Variants in SPRR2A observed in about 807,000 individuals in gnomAD.
SPRR2A encodes the protein small proline rich protein 2A.
Under a neutral mutation model 1.2 loss-of-function variants are expected in SPRR2A, and 3 were observed. The ratio of observed to expected loss-of-function variants is 2.56; its 90% CI spans 1.17 to 6.62. SPRR2A has a LOEUF of 6.62. SPRR2A is among the 30% of genes most tolerant of loss of function. SPRR2A has a pLI of 0.02. For synonymous variants in SPRR2A, 31 were observed against 33.1 expected (o/e 0.94, Z 0.21); for missense variants, 66 against 87.8 (o/e 0.75, Z 0.99).
chr1:153,056,265 T>C lies in SPRR2A; in HGVS notation c.*252A>G. ...CCAGGGAGAGAGCTGCTGCTCTTTC[T>C]TCCGAAGCTCTGGGAGCTGGCACAG... is the stretch of plus-strand genomic sequence containing the variant. On this transcript the variant is annotated 3_prime_UTR_variant, in exon 2 of 2. Coordinates refer to ENST00000392653, the MANE Select transcript of SPRR2A (RefSeq NM_005988.3). 3.3e-6 allele frequency: 2 copies of C among 609,828 alleles called. No homozygotes were observed. The highest frequency in any genetic ancestry group is 5.5e-6 in the Non-Finnish European group (2 of 366,392). The allele number at this position is 609,828 out of a possible 1,614,324, so 37.8% of individuals were successfully genotyped here.
chr1:153,056,366 C>A lies in SPRR2A; in HGVS notation c.*151G>T. ...CCTCAGAAAAGAAACTTTTTGCTGTCAGGGATCATCATGGGCAGATTACTG... is the reference window on the plus strand; with the variant it reads ...CCTCAGAAAAGAAACTTTTTGCTGTAAGGGATCATCATGGGCAGATTACTG... On this transcript the variant is annotated 3_prime_UTR_variant, in exon 2 of 2. Coordinates refer to ENST00000392653, the MANE Select transcript of SPRR2A (RefSeq NM_005988.3). 2 of 1,383,790 alleles carry A rather than the reference C, an allele frequency of 1.4e-6. No individual in the cohort carries two copies. Among genetic ancestry groups the A allele is most frequent in the South Asian group, 2.9e-5 (2 of 68,484 alleles). 85.7% of individuals were successfully genotyped at this position (1,383,790 alleles called of 1,614,324 possible). A position where few individuals can be genotyped will look rare whatever the true frequency, so the allele number is the denominator to read the frequency against.
At position 153,056,378 on chromosome 1, in the gene SPRR2A, T is replaced by C; in HGVS notation, c.*139A>G. Reference sequence around the variant, plus strand: ...AACTTTTTGCTGTCAGGGATCATCATGGGCAGATTACTGGCTAAGGAGAAA... The same window carrying C: ...AACTTTTTGCTGTCAGGGATCATCACGGGCAGATTACTGGCTAAGGAGAAA... On this transcript the variant is annotated 3_prime_UTR_variant, in exon 2 of 2. Coordinates refer to ENST00000392653, the MANE Select transcript of SPRR2A (RefSeq NM_005988.3). 1.4e-6 allele frequency: 2 copies of C among 1,437,748 alleles called. No homozygotes were observed. The highest frequency in any genetic ancestry group is 1.9e-6 in the Non-Finnish European group (2 of 1,069,484). The allele number at this position is 1,437,748 out of a possible 1,614,324, so 89.1% of individuals were successfully genotyped here.
chr1:153,056,326 G>A lies in SPRR2A; in HGVS notation c.*191C>T, dbSNP rs1259523608. 15 of 1,041,902 alleles carry A rather than the reference G, an allele frequency of 1.4e-5. 1 individual carries two copies. The highest frequency in any genetic ancestry group is 3.4e-5 in the South Asian group (2 of 59,074). 64.5% of individuals were successfully genotyped at this position (1,041,902 alleles called of 1,614,324 possible). On this transcript the variant is annotated 3_prime_UTR_variant, in exon 2 of 2. Transcript: ENST00000392653. ...CCTTTGCTCAGTCTCCACCTGGACAGTGGCAGTATGGCAGCCTCAGAAAAG... is the reference window on the plus strand; with the variant it reads ...CCTTTGCTCAGTCTCCACCTGGACAATGGCAGTATGGCAGCCTCAGAAAAG...
chr1:153,056,480 C>A lies in SPRR2A; in HGVS notation c.*37G>T. Reference sequence around the variant, plus strand: ...CTGTGGAACGAGGTGAGCCAAATATCCTTATCCTTTCTTGGTCCTGATGAA... The same window carrying A: ...CTGTGGAACGAGGTGAGCCAAATATACTTATCCTTTCTTGGTCCTGATGAA... On this transcript the variant is annotated 3_prime_UTR_variant, in exon 2 of 2. Coordinates refer to ENST00000392653, the MANE Select transcript of SPRR2A (RefSeq NM_005988.3). The A allele has an allele frequency of 6.2e-7, 1 of 1,604,034 alleles. No homozygotes were observed. Among genetic ancestry groups the A allele is most frequent in the Non-Finnish European group, 8.5e-7 (1 of 1,175,694 alleles).
In SPRR2A at chr1:153,056,780, C is replaced by T. The variant is rs369045905; in HGVS notation, c.-19-26G>A. The T allele has an allele frequency of 2.3e-3, 3,728 of 1,596,890 alleles. 5 individuals are homozygous for T. The highest frequency in any genetic ancestry group is 2.8e-3 in the Non-Finnish European group (3,299 of 1,174,502). On this transcript the variant is annotated intron_variant, in intron 1 of 1. Transcript: ENST00000392653. ...CTGAAAGAAATGATACAACAGTGTT[C>T]GTGGGAAGGGAATCCTCCAGAGAGA...
At position 153,056,463 on chromosome 1, in the gene SPRR2A, C is replaced by A. The variant is rs117744022; in HGVS notation, c.*54G>T. Reference sequence around the variant, plus strand: ...AGAAGATGAAGGTGGAGCTGTGGAACGAGGTGAGCCAAATATCCTTATCCT... The same window carrying A: ...AGAAGATGAAGGTGGAGCTGTGGAAAGAGGTGAGCCAAATATCCTTATCCT... On this transcript the variant is annotated 3_prime_UTR_variant, in exon 2 of 2. Coordinates refer to ENST00000392653, the MANE Select transcript of SPRR2A (RefSeq NM_005988.3). 6.5e-5 allele frequency: 103 copies of A among 1,583,174 alleles called. No individual in the cohort carries two copies. The East Asian group carries it at 2.2e-3, about 34-fold the overall frequency.
intron 1 of SPRR2A, 138 bp from the exon 2 acceptor site, chr1:153,056,892 T>G (rs1457990264): frequency 3.2e-5 from 45 of 1,399,668 alleles, no homozygotes; most frequent in Non-Finnish European, 4.2e-5. Context: ...TTTCAAGACT[T>G]TCTGGTTTCT....
intron 1 of SPRR2A, among the ~76,000 whole-genome samples, chr1:153,057,153 T>C (rs1246108694): frequency 2.6e-5 from 4 of 152,190 alleles, no homozygotes; most frequent in East Asian, 3.8e-4. Context: ...TCAGGGAGAA[T>C]TGTAGTCTTT....
chr1:153,057,093 T>C (rs1024741194), intron 1 of SPRR2A, among the ~76,000 whole-genome samples: 1 of 152,166 alleles, frequency 6.6e-6, no homozygotes, highest in Non-Finnish European at 1.5e-5. Flanking sequence ...ATCATCATTA[T>C]CTGTTATAAA....
Position 153,056,529 on chromosome 1 carries a change from C to A in SPRR2A, c.207G>T (p.Pro69=). Residue 69 remains proline, a synonymous_variant, in exon 2 of 2, where the codon CCG becomes CCT. Transcript: ENST00000392653. The stretch of plus-strand genomic sequence containing the variant: ...AATTCTGAAGCTGTTACTTGCTCTT[C>A]GGTGGATACTTTGACTGGCAGGGTG... ...PSPPCQSKYP[P]KSK 1 of 1,612,026 alleles carries A rather than the reference C, an allele frequency of 6.2e-7. No individual in the cohort carries two copies. The highest frequency in any genetic ancestry group is 2.2e-5 in the East Asian group (1 of 44,876).
At position 153,056,324 on chromosome 1, in the gene SPRR2A, C is replaced by G; in HGVS notation, c.*193G>C. 9.7e-7 allele frequency: 1 copy of G among 1,026,694 alleles called. No individual in the cohort carries two copies. Among genetic ancestry groups the G allele is most frequent in the Non-Finnish European group, 1.4e-6 (1 of 715,906 alleles). The allele number at this position is 1,026,694 out of a possible 1,614,324, so 63.6% of individuals were successfully genotyped here. On this transcript the variant is annotated 3_prime_UTR_variant, in exon 2 of 2. Coordinates refer to ENST00000392653, the MANE Select transcript of SPRR2A (RefSeq NM_005988.3). ...TTCCTTTGCTCAGTCTCCACCTGGACAGTGGCAGTATGGCAGCCTCAGAAA... is the reference window on the plus strand; with the variant it reads ...TTCCTTTGCTCAGTCTCCACCTGGAGAGTGGCAGTATGGCAGCCTCAGAAA...
In SPRR2A at chr1:153,056,660, G is replaced by A; in HGVS notation, c.76C>T (p.Pro26Ser). ...PVCPTPKCPE[P>S]CPPPKCPEPC... ...TCAGGGCACTTCGGGGGTGGACATGGCTCTGGGCACTTTGGCGTGGGGCAC... is the reference window on the plus strand; with the variant it reads ...TCAGGGCACTTCGGGGGTGGACATGACTCTGGGCACTTTGGCGTGGGGCAC... Residue 26 changes from proline (P) to serine (S), a missense_variant, in exon 2 of 2, where the codon CCA (proline) becomes TCA (serine). Physicochemically the swap from Pro to Ser is moderately conservative, Grantham distance 74. Transcript: ENST00000392653. 1 of 1,610,900 alleles carries A rather than the reference G, an allele frequency of 6.2e-7. No homozygotes were observed.
chr1:153,056,911 C>T (rs558900358), intron 1 of SPRR2A, among the ~76,000 whole-genome samples, 157 bp from the exon 2 acceptor site: 1 of 152,340 alleles, frequency 6.6e-6, no homozygotes, highest in African/African-American at 2.4e-5. Flanking sequence ...CTCCCTTCCA[C>T]TTTAACAAAT....
In SPRR2A at chr1:153,056,743, G is replaced by A. The variant is rs751865013; in HGVS notation, c.-8C>T. ...CTGCTGTTGATAAGACATCCTGCTG[G>A]AGTCTCAGGATCTGAAAGAAATGAT... On this transcript the variant is annotated 5_prime_UTR_variant, in exon 2 of 2. Coordinates refer to ENST00000392653, the MANE Select transcript of SPRR2A (RefSeq NM_005988.3). 18 of 1,596,174 alleles carry A rather than the reference G, an allele frequency of 1.1e-5. No homozygotes were observed. Among genetic ancestry groups the A allele is most frequent in the Admixed American group, 8.6e-5 (5 of 58,214 alleles).
At chr1:153,056,970 A>G (rs1193059669) in intron 1 of SPRR2A, among the ~76,000 whole-genome samples, 1 of 152,184 alleles carries the variant, frequency 6.6e-6, no homozygotes, top group African/African-American at 2.4e-5. Flanking sequence ...CAATTTTTCC[A>G]AATAAATTAT....
chr1:153,056,403 A>G lies in SPRR2A; in HGVS notation c.*114T>C, dbSNP rs3737863. The G allele has an allele frequency of 1.1e-3, 1,630 of 1,510,684 alleles. 35 individuals are homozygous for G. The East Asian group carries it at 0.035, about 32-fold the overall frequency. 93.6% of individuals were successfully genotyped at this position (1,510,684 alleles called of 1,614,324 possible). A position where few individuals can be genotyped will look rare whatever the true frequency, so the allele number is the denominator to read the frequency against. ...TGGGCAGATTACTGGCTAAGGAGAA[A>G]GAAGCTCCCTGTGTATCCATGGTAG... On this transcript the variant is annotated 3_prime_UTR_variant, in exon 2 of 2. Transcript: ENST00000392653.
chr1:153,056,200 G>A lies in SPRR2A; in HGVS notation c.*317C>T. 1 of 463,100 alleles carries A rather than the reference G, an allele frequency of 2.2e-6. No individual in the cohort carries two copies. The allele number at this position is 463,100 out of a possible 1,614,324, so 28.7% of individuals were successfully genotyped here. ...GGTAGAAGCTCGTGACCAGGTGACA[G>A]ACAGACACAGAACACATCAACAGAA... On this transcript the variant is annotated 3_prime_UTR_variant, in exon 2 of 2. Transcript: ENST00000392653.
At position 153,057,282 on chromosome 1, in the gene SPRR2A, A is replaced by G. The variant is rs1188083919; in HGVS notation, c.-20+189T>C. 3.9e-5 allele frequency among the ~76,000 whole-genome samples: 6 copies of G among 152,342 alleles called. No homozygotes were observed. In the East Asian group the frequency reaches 9.6e-4, roughly 24 times the overall value. On this transcript the variant is annotated intron_variant, in intron 1 of 1. Transcript: ENST00000392653. ...GTTACCCCTTAACTTCTCTGTCCAT[A>G]TGGATACCTACCTGTATAACAAAAG... is the stretch of plus-strand genomic sequence containing the variant.
At position 153,056,551 on chromosome 1, in the gene SPRR2A, G is replaced by T; in HGVS notation, c.185C>A (p.Pro62His). ...CTTCGGTGGATACTTTGACTGGCAG[G>T]GTGGGGAAGGTGTCACAGGAGGATA... is the stretch of plus-strand genomic sequence containing the variant. ...QKYPPVTPSPPCQSKYPPKSK is the reference protein window; with the variant it reads ...QKYPPVTPSPHCQSKYPPKSK Residue 62 changes from proline to histidine, a missense_variant, in exon 2 of 2, where the codon CCC becomes CAC. Pro to His is a moderately conservative substitution (Grantham distance 77, BLOSUM62 -2). Coordinates refer to ENST00000392653, the MANE Select transcript of SPRR2A (RefSeq NM_005988.3). The T allele has an allele frequency of 2.5e-6, 4 of 1,612,346 alleles. No individual in the cohort carries two copies. The highest frequency in any genetic ancestry group is 3.4e-6 in the Non-Finnish European group (4 of 1,179,858).
Sources: gnomAD v4.1 joint callset for allele counts (sites outside exome capture counted in the v4.1 genomes callset) on GRCh38, gnomAD v4.1.1 for gene constraint, MANE v1.5 for transcripts, NCBI Gene and HGNC (gene_info 2026-07-23, HGNC 2026-07-21) for gene names.